The following ULK4 variants were observed in gnomAD, a reference collection of about 807,000 sequenced individuals.
ULK4 encodes the protein unc-51 like kinase 4.
Under a neutral mutation model 160.6 loss-of-function variants are expected in ULK4, and 133 were observed. That is an observed-to-expected ratio of 0.83 (90% CI 0.72 to 0.96). The LOEUF is 0.96. Among genes scored for constraint, ULK4 ranks in the 40% least tolerant of loss-of-function variants. ULK4 has a pLI of 0.00. For missense variants in ULK4, 1,580 were observed against 1,499.5 expected (o/e 1.05, Z -0.89); for synonymous variants, 534 against 539.8 (o/e 0.99, Z 0.15).
At chr3:41,405,618 C>T (rs1418358054) in intron 34 of ULK4, among the ~76,000 whole-genome samples, 1 of 152,144 alleles carries the variant, frequency 6.6e-6, no homozygotes, top group Non-Finnish European at 1.5e-5. Context: ...CTTTTCTCCA[C>T]AGTCTCACCA....
intron 32 of ULK4, among the ~76,000 whole-genome samples, chr3:41,469,560 C>A: frequency 1.0e-5 from 1 of 97,134 alleles, no homozygotes; most frequent in South Asian, 3.7e-4. Context: ...GCCGGCCCAT[C>A]TACAATAAAA....
intron 17 of ULK4, among the ~76,000 whole-genome samples, chr3:41,838,760 C>T (rs1303077187): frequency 6.6e-6 from 1 of 152,152 alleles, no homozygotes; most frequent in African/African-American, 2.4e-5. Flanking sequence ...ACTGATCGAA[C>T]TTGGACGATA....
chr3:41,511,350 G>C (rs527252864), intron 32 of ULK4, among the ~76,000 whole-genome samples: 12 of 152,026 alleles, frequency 7.9e-5, no homozygotes, highest in African/African-American at 2.6e-4. Flanking sequence ...GAAACAAAAA[G>C]CTGGTTCTTT....
At chr3:41,433,750 C>T (rs2082967285) in intron 34 of ULK4, among the ~76,000 whole-genome samples, 4 of 152,058 alleles carry the variant, frequency 2.6e-5, no homozygotes, top group South Asian at 2.1e-4. Context: ...GACGGAGTCT[C>T]GCTCTGTCGC....
intron 30 of ULK4, among the ~76,000 whole-genome samples, chr3:41,637,242 T>C (rs961073045): frequency 1.3e-5 from 2 of 152,210 alleles, no homozygotes; most frequent in African/African-American, 4.8e-5. Context: ...GTCTCCTCTC[T>C]ACTTCTGAGT....
intron 16 of ULK4, among the ~76,000 whole-genome samples, chr3:41,885,088 A>T (rs1022895712): frequency 2.0e-5 from 3 of 152,084 alleles, no homozygotes; most frequent in Admixed American, 6.5e-5. Flanking sequence ...AACTCCTGAA[A>T]AACAATCCTC....
rs1473745556 is a variant in ULK4, at chr3:41,690,277, T to A, written c.2782-8473A>T. Among the ~76,000 whole-genome samples, 9 of 150,860 alleles carry A rather than the reference T, an allele frequency of 6.0e-5. No homozygotes were observed. The East Asian group carries it at 1.2e-3, about 20-fold the overall frequency. ...GGACACAGGAAGGGGAACATCACAC[T>A]CCGGGGACTGTTGTGGGGTAGGGGG... On this transcript the variant is annotated intron_variant, in intron 27 of 36. Transcript: ENST00000301831.
chr3:41,403,515 G>C (rs1156756390), intron 34 of ULK4, among the ~76,000 whole-genome samples: 2 of 151,920 alleles, frequency 1.3e-5, no homozygotes, highest in African/African-American at 4.8e-5. Flanking sequence ...TTTTTCAATT[G>C]TACTGATTTT....
chr3:41,358,126 T>C (rs2081062874), intron 35 of ULK4, among the ~76,000 whole-genome samples: 1 of 152,192 alleles, frequency 6.6e-6, no homozygotes, highest in African/African-American at 2.4e-5. Flanking sequence ...ACATGATCTC[T>C]AGCTACAGGA....
chr3:41,706,632 A>T (rs1490096175), intron 25 of ULK4, among the ~76,000 whole-genome samples: 1 of 150,718 alleles, frequency 6.6e-6, no homozygotes, highest in East Asian at 1.9e-4. Context: ...GTTCGAGACC[A>T]GCCTGGCCAA....
chr3:41,702,860 GTTT>G (rs568730846), intron 27 of ULK4, among the ~76,000 whole-genome samples: 2 of 140,150 alleles, frequency 1.4e-5, no homozygotes, highest in Non-Finnish European at 1.6e-5. Context: ...TTTTGGTTTT[GTTT>G]TTTTTTTTTG....
At chr3:41,699,788 T>A (rs1199477824) in intron 27 of ULK4, among the ~76,000 whole-genome samples, 1 of 152,150 alleles carries the variant, frequency 6.6e-6, no homozygotes, top group African/African-American at 2.4e-5. Flanking sequence ...CAAAAAGAGG[T>A]AATTAGAAAA....
intron 30 of ULK4, among the ~76,000 whole-genome samples, chr3:41,661,414 C>T (rs1411646580): frequency 6.6e-6 from 1 of 151,442 alleles, no homozygotes; most frequent in Admixed American, 6.6e-5. Flanking sequence ...CCCACATGTA[C>T]ACAGGTATAT....
chr3:41,893,174 A>G (rs1255790272), intron 16 of ULK4, among the ~76,000 whole-genome samples: 1 of 152,208 alleles, frequency 6.6e-6, no homozygotes, highest in African/African-American at 2.4e-5. Flanking sequence ...ATGGGTAAAG[A>G]GCTTCTGTTT....
At chr3:41,870,220 A>C (rs1217240443) in intron 17 of ULK4, among the ~76,000 whole-genome samples, 6 of 152,134 alleles carry the variant, frequency 3.9e-5, no homozygotes, top group Admixed American at 1.3e-4. Flanking sequence ...GTTCGGTGTG[A>C]TTCTTGGAAT....
At chr3:41,363,766 G>T (rs1175998211) in intron 35 of ULK4, among the ~76,000 whole-genome samples, 2 of 152,130 alleles carry the variant, frequency 1.3e-5, no homozygotes, top group East Asian at 3.8e-4. Context: ...TTTCTTGATG[G>T]CTTTCTCTGT....
At chr3:41,448,117 T>C (rs2083345222) in intron 34 of ULK4, among the ~76,000 whole-genome samples, 1 of 152,148 alleles carries the variant, frequency 6.6e-6, no homozygotes, top group African/African-American at 2.4e-5. Flanking sequence ...GGCCCCAAAG[T>C]GAAGCAAACC....
intron 35 of ULK4, among the ~76,000 whole-genome samples, chr3:41,396,330 A>G (rs1221269492): frequency 1.0e-5 from 1 of 98,544 alleles, no homozygotes; most frequent in Non-Finnish European, 1.9e-5. Context: ...TGAAATTTCT[A>G]AGTTTCAAAA....
At chr3:41,870,700 G>C (rs771302037) in intron 17 of ULK4, among the ~76,000 whole-genome samples, 1 of 152,164 alleles carries the variant, frequency 6.6e-6, no homozygotes, top group Admixed American at 6.5e-5. Context: ...ACCACGTGTA[G>C]ATTCACACAA....
Sources: allele counts gnomAD v4.1 joint callset (sites outside exome capture counted in the v4.1 genomes callset), GRCh38; gene constraint gnomAD v4.1.1; transcripts MANE v1.5; gene names NCBI Gene and HGNC (gene_info 2026-07-23, HGNC 2026-07-21).